MTFR1: variants seen among roughly 807,000 people sequenced by gnomAD.
MTFR1 encodes the protein chondrocyte protein with a poly-proline region.
A neutral mutation model predicts 38.8 loss-of-function variants in MTFR1; 28 were observed. The ratio of observed to expected loss-of-function variants is 0.72; its 90% CI spans 0.53 to 0.99. The LOEUF is 0.99. Ranked by LOEUF, MTFR1 falls within the 50% of genes least tolerant of loss-of-function variation. MTFR1 has a pLI of 0.00. For synonymous variants in MTFR1, 145 were observed against 137.0 expected (o/e 1.06, Z -0.41); for missense variants, 358 against 395.5 (o/e 0.91, Z 0.81).
At chr8:65,681,448 A>G (rs1804885092) in intron 2 of MTFR1, among the ~76,000 whole-genome samples, 1 of 152,302 alleles carries the variant, frequency 6.6e-6, no homozygotes, top group East Asian at 1.9e-4. Flanking sequence ...AAGTTTGATG[A>G]ATTAAGTATA....
intron 2 of MTFR1, among the ~76,000 whole-genome samples, chr8:65,715,708 G>A (rs1388435386): frequency 2.7e-5 from 4 of 146,104 alleles, no homozygotes; most frequent in Admixed American, 6.7e-5. Context: ...TTAGCTGGCC[G>A]GGCACGGTGG....
At chr8:65,702,448 C>T (rs944895492) in intron 4 of MTFR1, among the ~76,000 whole-genome samples, 7 of 151,816 alleles carry the variant, frequency 4.6e-5, no homozygotes, top group Admixed American at 1.3e-4. Flanking sequence ...TACAGGCACC[C>T]GCCAACACAC....
intron 3 of MTFR1, chr8:65,727,397 G>A: frequency 6.6e-7 from 1 of 1,525,994 alleles, no homozygotes; most frequent in Non-Finnish European, 8.8e-7. Context: ...TGGTAGTGGT[G>A]GTAATCTCCT....
chr8:65,657,259 C>T (rs1423637373), intron 1 of MTFR1, among the ~76,000 whole-genome samples: 1 of 152,092 alleles, frequency 6.6e-6, no homozygotes, highest in East Asian at 1.9e-4. Flanking sequence ...GTGATCCACC[C>T]ACCTTGGCCT....
intron 3 of MTFR1, among the ~76,000 whole-genome samples, chr8:65,734,154 C>CTTGTT (rs1215024936): frequency 2.0e-5 from 3 of 152,130 alleles, no homozygotes; most frequent in African/African-American, 7.2e-5. Flanking sequence ...ACAAGCCTTA[C>CTTGTT]CCCCAAAACT....
intron 3 of MTFR1, chr8:65,734,964 A>G: frequency 1.0e-6 from 1 of 965,056 alleles, no homozygotes; most frequent in Non-Finnish European, 1.7e-6. Flanking sequence ...AATTGTGATA[A>G]TTATGAGTTA....
downstream of MTFR1, among the ~76,000 whole-genome samples, chr8:65,711,080 T>C (rs962309882): frequency 6.6e-6 from 1 of 152,110 alleles, no homozygotes; most frequent in African/African-American, 2.4e-5. Context: ...CATGATCCCC[T>C]GTTAAATAAT....
chr8:65,686,264 A>G (rs186548098), intron 3 of MTFR1, among the ~76,000 whole-genome samples: 112 of 152,288 alleles, frequency 7.4e-4, no homozygotes, highest in Non-Finnish European at 1.3e-3. Context: ...AACAAATAGT[A>G]TGTTTTATAA....
At chr8:65,665,694 C>T (rs749755912) in intron 1 of MTFR1, among the ~76,000 whole-genome samples, 1 of 152,166 alleles carries the variant, frequency 6.6e-6, no homozygotes, top group Non-Finnish European at 1.5e-5. Flanking sequence ...GATGGGGTCT[C>T]GCTTTGTTGA....
intron 3 of MTFR1, among the ~76,000 whole-genome samples, chr8:65,685,239 G>T (rs1284101136): frequency 6.6e-6 from 1 of 152,110 alleles, no homozygotes; most frequent in Admixed American, 6.5e-5. Context: ...GTCCAATGTG[G>T]GTAAATATTA....
chr8:65,671,540 TAAAAAAA>T (rs34214439), intron 2 of MTFR1, among the ~76,000 whole-genome samples: 2 of 124,614 alleles, frequency 1.6e-5, no homozygotes, highest in Non-Finnish European at 3.4e-5. Context: ...ACCCTATCTT[TAAAAAAA>T]AAAAAAAAAA....
At chr8:65,680,715 A>G (rs963922041) in intron 2 of MTFR1, among the ~76,000 whole-genome samples, 2 of 152,086 alleles carry the variant, frequency 1.3e-5, no homozygotes, top group Admixed American at 1.3e-4. Flanking sequence ...AAGTGGTAGT[A>G]TCCATTTCTC....
At chr8:65,772,725 C>A (rs969024196), downstream of MTFR1, among the ~76,000 whole-genome samples, 4 of 152,166 alleles carry the variant, frequency 2.6e-5, no homozygotes, top group Admixed American at 2.6e-4. Context: ...TTAAACTGGC[C>A]AGGTGCGGTG....
At chr8:65,681,589 G>T (rs534065434) in intron 2 of MTFR1, among the ~76,000 whole-genome samples, 3 of 151,702 alleles carry the variant, frequency 2.0e-5, no homozygotes, top group Admixed American at 6.6e-5. Flanking sequence ...TTAAAGAGGG[G>T]TCATATACTT....
intron 1 of MTFR1, among the ~76,000 whole-genome samples, chr8:65,648,912 A>G (rs1275635824): frequency 1.3e-5 from 2 of 151,930 alleles, no homozygotes. Flanking sequence ...TATTTTATTA[A>G]TTTTTTTCAC....
intron 2 of MTFR1, among the ~76,000 whole-genome samples, chr8:65,677,495 G>A (rs1018856933): frequency 1.4e-5 from 2 of 139,498 alleles, no homozygotes; most frequent in African/African-American, 5.4e-5. Context: ...CTATTCTCCT[G>A]CCTTAGCCTC....
At chr8:65,743,894 G>A (rs1390422216) in intron 3 of MTFR1, among the ~76,000 whole-genome samples, 5 of 151,314 alleles carry the variant, frequency 3.3e-5, no homozygotes, top group Non-Finnish European at 7.4e-5. Flanking sequence ...GTGCAATGGC[G>A]CGATCTCAGC....
chr8:65,737,373 T>C (rs1008314050), intron 3 of MTFR1, among the ~76,000 whole-genome samples: 1 of 152,158 alleles, frequency 6.6e-6, no homozygotes, highest in African/African-American at 2.4e-5. Flanking sequence ...ATTGCCAGTA[T>C]AGCTACTGGG....
At chr8:65,770,429 A>G (rs1035067131) in intron 3 of MTFR1, among the ~76,000 whole-genome samples, 1 of 152,218 alleles carries the variant, frequency 6.6e-6, no homozygotes, top group Non-Finnish European at 1.5e-5. Context: ...TTATAAAATC[A>G]TCAGATTTCG....
Sources: gnomAD v4.1 joint callset for allele counts (sites outside exome capture counted in the v4.1 genomes callset) on GRCh38, gnomAD v4.1.1 for gene constraint, MANE v1.5 for transcripts, NCBI Gene and HGNC (gene_info 2026-07-23, HGNC 2026-07-21) for gene names.